GPRC5A: variants seen among roughly 807,000 people sequenced by gnomAD.
GPRC5A encodes retinoic acid-induced protein 3.
GPRC5A carries 19 observed loss-of-function variants against 22.5 expected under a neutral mutation model. That is an observed-to-expected ratio of 0.85 (90% CI 0.59 to 1.24). The LOEUF is 1.24. Ranked by LOEUF, GPRC5A falls within the 50% of genes most tolerant of loss-of-function variation. The pLI is 0.00. For synonymous variants in GPRC5A, 192 were observed against 184.5 expected (o/e 1.04, Z -0.33); for missense variants, 471 against 451.1 (o/e 1.04, Z -0.40).
chr12:12,910,896 A>G (rs145568575), intron 2 of GPRC5A, among the ~76,000 whole-genome samples: 342 of 144,484 alleles, frequency 2.4e-3, no homozygotes, highest in African/African-American at 8.6e-3. Context: ...TTTGAGACAG[A>G]GTCTCGCTCT....
At chr12:12,912,298 T>A (rs1864013542) in intron 3 of GPRC5A, 149 bp from the exon 4 acceptor site, 5 of 838,792 alleles carry the variant, frequency 6.0e-6, no homozygotes, top group Non-Finnish European at 1.0e-5. Flanking sequence ...ACGGGGTTAG[T>A]GGGTAAGAAT....
chr12:12,909,353 C>T (rs1171557184), intron 2 of GPRC5A, 182 bp downstream of exon 2: 7 of 567,756 alleles, frequency 1.2e-5, no homozygotes, highest in South Asian at 9.9e-5. Flanking sequence ...AAGTAGAACA[C>T]GAAGCTGGCC....
chr12:12,896,719 A>G (rs148294235), intron 1 of GPRC5A, among the ~76,000 whole-genome samples: 7 of 152,228 alleles, frequency 4.6e-5, no homozygotes, highest in South Asian at 2.1e-4. Flanking sequence ...AGTTTGCTCT[A>G]TTTTCTTAAG....
At chr12:12,894,594 A>G (rs1863800385) in intron 1 of GPRC5A, among the ~76,000 whole-genome samples, 1 of 151,746 alleles carries the variant, frequency 6.6e-6, no homozygotes, top group African/African-American at 2.4e-5. Context: ...TTTTTTGTAG[A>G]GATGGGGTTT....
rs1223580624 is a variant in GPRC5A, at chr12:12,914,576, CTT to C, written c.*2039_*2040del. The C allele has an allele frequency of 8.5e-5, 7 of 82,832 alleles. No homozygotes were observed. Among genetic ancestry groups the C allele is most frequent in the African/African-American group, 4.5e-4 (6 of 13,476 alleles). The allele number at this position is 82,832 out of a possible 1,614,324, so 5.1% of individuals were successfully genotyped here. On this transcript the variant is annotated 3_prime_UTR_variant, in exon 4 of 4. Transcript: ENST00000014914. The stretch of plus-strand genomic sequence containing the variant: ...TCTTTCTTTCTTTCTTTCTTTCTTT[CTT>C]TCTTTCTTTCTTTCTTTCTCTCTCT...
chr12:12,896,068 T>C (rs1863820433), intron 1 of GPRC5A, among the ~76,000 whole-genome samples: 1 of 151,850 alleles, frequency 6.6e-6, no homozygotes, highest in Non-Finnish European at 1.5e-5. Flanking sequence ...TCTGGAAATT[T>C]CATTTCTTTG....
rs1223582721 is a variant in GPRC5A at position 12,916,076 on chromosome 12, G to A, written c.*3537G>A. On this transcript the variant is annotated 3_prime_UTR_variant, in exon 4 of 4. Transcript: ENST00000014914. Reference sequence around the variant, plus strand: ...GAGGGTACCAAAGGATAGCTGTTCTGTTTAAGTAGGGACCTCTCATGGCCT... The same window carrying A: ...GAGGGTACCAAAGGATAGCTGTTCTATTTAAGTAGGGACCTCTCATGGCCT... The A allele has an allele frequency of 4.2e-6, 1 of 236,374 alleles. No individual in the cohort carries two copies. Among genetic ancestry groups the A allele is most frequent in the Non-Finnish European group, 9.2e-6 (1 of 108,198 alleles). 14.6% of individuals were successfully genotyped at this position (236,374 alleles called of 1,614,324 possible). A position where few individuals can be genotyped will look rare whatever the true frequency, so the allele number is the denominator to read the frequency against.
chr12:12,903,776 C>G (rs1050733059), intron 1 of GPRC5A, among the ~76,000 whole-genome samples: 1 of 152,186 alleles, frequency 6.6e-6, no homozygotes, highest in African/African-American at 2.4e-5. Flanking sequence ...TCCTGCGCAG[C>G]TGCGCTGGAA....
chr12:12,912,265 T>C (rs897280039), intron 3 of GPRC5A, 123 bp downstream of exon 3: 2 of 874,516 alleles, frequency 2.3e-6, no homozygotes, highest in Non-Finnish European at 3.9e-6. Context: ...GAATGATGGG[T>C]CTTCTTTCCT....
rs1864063730 is a variant in GPRC5A, at chr12:12,916,343, T to C, written c.*3804T>C. The C allele has an allele frequency of 6.6e-6, 1 of 152,326 alleles. No individual in the cohort carries two copies. The allele number at this position is 152,326 out of a possible 1,614,324, so 9.4% of individuals were successfully genotyped here. Reference sequence around the variant, plus strand: ...GCATTGTGAGATGCGAAATAGAGCGTGTCTCTCTGCCTCTCATTTTAGGCT... The same window carrying C: ...GCATTGTGAGATGCGAAATAGAGCGCGTCTCTCTGCCTCTCATTTTAGGCT... On this transcript the variant is annotated 3_prime_UTR_variant, in exon 4 of 4. Transcript: ENST00000014914.
At chr12:12,908,199 G>A (rs1565465018) in intron 1 of GPRC5A, 44 bp from the exon 2 acceptor site, 1 of 1,261,682 alleles carries the variant, frequency 7.9e-7, no homozygotes, top group Non-Finnish European at 1.1e-6. Flanking sequence ...ACTGTGTTAG[G>A]AGATTCAATA....
At chr12:12,894,772 G>GTTTTTTTTTTT (rs56794431) in intron 1 of GPRC5A, among the ~76,000 whole-genome samples, 2 of 67,462 alleles carry the variant, frequency 3.0e-5, no homozygotes, top group Non-Finnish European at 5.1e-5. Context: ...GTCTAGGATG[G>GTTTTTTTTTTT]TTTTTTTTTT....
chr12:12,893,637 C>T (rs2136454096), intron 1 of GPRC5A, among the ~76,000 whole-genome samples: 1 of 152,262 alleles, frequency 6.6e-6, no homozygotes, highest in East Asian at 1.9e-4. Flanking sequence ...GGACCATGGA[C>T]CATAGTTCCT....
At chr12:12,897,463 A>G (rs1863834284) in intron 1 of GPRC5A, among the ~76,000 whole-genome samples, 4 of 152,106 alleles carry the variant, frequency 2.6e-5, no homozygotes. Flanking sequence ...ACAGAACTCT[A>G]GGAAGATTTG....
At position 12,909,100 on chromosome 12, in the gene GPRC5A, G is replaced by A. The variant is rs1186165253; in HGVS notation, c.851G>A (p.Cys284Tyr). 1 of 1,602,368 alleles carries A rather than the reference G, an allele frequency of 6.2e-7. No homozygotes were observed. The highest frequency in any genetic ancestry group is 8.5e-7 in the Non-Finnish European group (1 of 1,179,776). ...PMDYPVEDAF[C>Y]KPQLVKKSYG... is the part of the protein sequence containing the mutation. The stretch of plus-strand genomic sequence containing the variant: ...GATTATCCTGTTGAGGATGCTTTCT[G>A]TAAACCTCAACTCGTGAAGAAGAGC... The change falls in exon 2 of 4, where the codon TGT (cysteine) becomes TAT (tyrosine). Residue 284 changes from cysteine to tyrosine, a missense_variant. Coordinates refer to ENST00000014914, the MANE Select transcript of GPRC5A (RefSeq NM_003979.4).
chr12:12,896,796 A>G (rs569668269), intron 1 of GPRC5A, among the ~76,000 whole-genome samples: 1 of 152,324 alleles, frequency 6.6e-6, no homozygotes, highest in African/African-American at 2.4e-5. Context: ...GATAGATGCC[A>G]CAAAGAAGCT....
intron 1 of GPRC5A, among the ~76,000 whole-genome samples, chr12:12,899,334 C>T (rs891966993): frequency 9.2e-5 from 14 of 152,172 alleles, no homozygotes; most frequent in Admixed American, 4.6e-4. Context: ...CTACTGCCCC[C>T]GGCCAGGGTT....
Position 12,908,717 on chromosome 12 carries a change from C to T in GPRC5A, c.468C>T (p.Thr156=), listed in dbSNP as rs367713523. The change falls in exon 2 of 4, where the codon ACC becomes ACT. Residue 156 remains threonine (T), a synonymous_variant. Transcript: ENST00000014914. ...TCGCTATTGAATATATTGTCCTGAC[C>T]ATGAATAGGACCAACGTCAATGTCT... is the stretch of plus-strand genomic sequence containing the variant. ...DVIAIEYIVL[T]MNRTNVNVFS... 3 of 1,614,086 alleles carry T rather than the reference C, an allele frequency of 1.9e-6. No individual in the cohort carries two copies.
At chr12:12,897,406 CAT>C in intron 1 of GPRC5A, among the ~76,000 whole-genome samples, 1 of 148,260 alleles carries the variant, frequency 6.7e-6, no homozygotes, top group Non-Finnish European at 1.5e-5. Flanking sequence ...AGGCAAAGAG[CAT>C]GAGAAGACCT....
Sources: gnomAD v4.1 joint callset for allele counts (sites outside exome capture counted in the v4.1 genomes callset) on GRCh38, gnomAD v4.1.1 for gene constraint, MANE v1.5 for transcripts, NCBI Gene and HGNC (gene_info 2026-07-23, HGNC 2026-07-21) for gene names.